Variants in INTS1 observed in about 807,000 individuals in gnomAD.
INTS1 encodes integrator complex subunit 1.
Under a neutral mutation model 241.6 loss-of-function variants are expected in INTS1, and 137 were observed. The observed-to-expected ratio is 0.57, with a 90% confidence interval of 0.49 to 0.65. INTS1 has a LOEUF of 0.65. Among genes scored for constraint, INTS1 ranks in the 30% least tolerant of loss-of-function variants. The probability of loss-of-function intolerance (pLI) is 0.00; values close to 1 mark genes in which losing one functional copy is unlikely to be tolerated. For synonymous variants in INTS1, 1,692 were observed against 1,337.8 expected, an observed-to-expected ratio of 1.26 and a Z score of -5.78; for missense variants, 3,073 against 3,032.2, an observed-to-expected ratio of 1.01 and a Z score of -0.32.
intron 3 of INTS1, among the ~76,000 whole-genome samples, chr7:1,502,540 C>G (rs967625266): frequency 6.6e-6 from 1 of 152,144 alleles, no homozygotes. Context: ...GAGAGAGGAA[C>G]GCACCAGGAT....
intron 20 of INTS1, 81 bp downstream of exon 20, chr7:1,487,239 C>A: frequency 6.6e-7 from 1 of 1,524,700 alleles, no homozygotes; most frequent in South Asian, 1.2e-5. Flanking sequence ...GTGTCCTGCC[C>A]TCTTCTGGCC....
At chr7:1,490,284 C>CTGAAAGGG (rs1348155226) in intron 16 of INTS1, among the ~76,000 whole-genome samples, 1 of 152,232 alleles carries the variant, frequency 6.6e-6, no homozygotes, top group Non-Finnish European at 1.5e-5. Flanking sequence ...CCAAACGCTA[C>CTGAAAGGG]TGAAAGGGTG....
chr7:1,480,241 C>A, intron 30 of INTS1, 76 bp downstream of exon 30: 2 of 1,490,042 alleles, frequency 1.3e-6, no homozygotes, highest in East Asian at 2.4e-5. Context: ...GGCCGCTGTG[C>A]GTGCGAGGCG....
rs775883928 is a variant in INTS1 at position 1,500,329 on chromosome 7, G to A, written c.387C>T (p.Ala129=). 2.4e-5 allele frequency: 38 copies of A among 1,588,016 alleles called. No homozygotes were observed. Among genetic ancestry groups the A allele is most frequent in the African/African-American group, 4.0e-5 (3 of 74,560 alleles). The change falls in exon 4 of 48, where the codon GCC becomes GCT. Residue 129 remains alanine, a synonymous_variant. Transcript: ENST00000404767. ...TCCTGTCATCGTTGCCCTCCAGCTC[G>A]GCCGCCTCGATCTCATCCAGCAGCA... ...PTVLLDEIEA[A]ELEGNDDRIE...
intron 31 of INTS1, among the ~76,000 whole-genome samples, chr7:1,479,189 C>T (rs746052965): frequency 6.6e-6 from 1 of 152,250 alleles, no homozygotes; most frequent in African/African-American, 2.4e-5. Flanking sequence ...GAAAGCAAGG[C>T]AGGAGCGCCG....
In INTS1 at chr7:1,485,282, G is replaced by A. The variant is rs370997665; in HGVS notation, c.3156+8C>T. ...TTTCCCTGCCGCGGCCCCGGTCAGC[G>A]CCCTCACCTGCTGCAGGGCCAGGGC... On this transcript the variant is annotated splice_region_variant and intron_variant, in intron 23 of 47. Transcript: ENST00000404767. The A allele has an allele frequency of 5.6e-5, 89 of 1,603,540 alleles. No individual in the cohort carries two copies. Among genetic ancestry groups the A allele is most frequent in the Middle Eastern group, 4.9e-4 (3 of 6,072 alleles).
intron 26 of INTS1, 94 bp from the exon 27 acceptor site, chr7:1,482,801 G>T: frequency 6.8e-7 from 1 of 1,461,602 alleles, no homozygotes. Context: ...CTCCTCTCCC[G>T]AGAAGGAAAC....
In INTS1 at chr7:1,493,161, A is replaced by C; in HGVS notation, c.2069-55T>G. ...GGGCTGCTCACAGACCATCAGGCAC[A>C]GGCAGCGAGGGAACCGGCCCTGCTC... On this transcript the variant is annotated intron_variant, in intron 15 of 47. Coordinates refer to ENST00000404767, the MANE Select transcript of INTS1 (RefSeq NM_001080453.3). This position sits in a 1 kb window ranked among gnomAD's most constrained non-coding sequence, Gnocchi z 5.3. 7.9e-7 allele frequency: 1 copy of C among 1,271,538 alleles called. No homozygotes were observed. The highest frequency in any genetic ancestry group is 1.1e-6 in the Non-Finnish European group (1 of 915,058). The allele number at this position is 1,271,538 out of a possible 1,614,324, so 78.8% of individuals were successfully genotyped here. A position where few individuals can be genotyped will look rare whatever the true frequency, so the allele number is the denominator to read the frequency against.
intron 8 of INTS1, 28 bp downstream of exon 8, chr7:1,498,947 C>CGGGG: frequency 3.4e-5 from 45 of 1,339,104 alleles, no homozygotes; most frequent in Non-Finnish European, 4.3e-5. Flanking sequence ...CCCCCTGCCC[C>CGGGG]GCCCACCCCC....
chr7:1,473,687 T>C lies in INTS1; in HGVS notation c.5836A>G (p.Arg1946Gly). 6.2e-7 allele frequency: 1 copy of C among 1,613,064 alleles called. No individual in the cohort carries two copies. Among genetic ancestry groups the C allele is most frequent in the South Asian group, 1.1e-5 (1 of 91,062 alleles). ...LSFIRLLLNYRKSSRHLAAFI... is the reference protein window; with the variant it reads ...LSFIRLLLNYGKSSRHLAAFI... Reference sequence around the variant, plus strand: ...GCAGCCAGATGGCGGGAGGACTTCCTGTAATTCTGCAAAGCAAAAGCGGCA... The same window carrying C: ...GCAGCCAGATGGCGGGAGGACTTCCCGTAATTCTGCAAAGCAAAAGCGGCA... Residue 1946 changes from arginine (R) to glycine (G), a missense_variant, in exon 42 of 48, where the codon AGG (arginine) becomes GGG (glycine). Arg to Gly is a moderately radical substitution (Grantham distance 125, BLOSUM62 -2). Coordinates refer to ENST00000404767, the MANE Select transcript of INTS1 (RefSeq NM_001080453.3).
chr7:1,497,124 G>C lies in INTS1; in HGVS notation c.1602+14C>G, dbSNP rs1399783551. 1.3e-6 allele frequency: 2 copies of C among 1,588,332 alleles called. No individual in the cohort carries two copies. The highest frequency in any genetic ancestry group is 2.7e-5 in the African/African-American group (2 of 74,246). ...GCAGTGAGGGAAAGGCGCCCCAGCG[G>C]CGAGGGCTGGCACCTTGAACTCCAT... On this transcript the variant is annotated intron_variant, in intron 11 of 47. Transcript: ENST00000404767. The surrounding 1 kb of genome is among the most constrained non-coding windows in gnomAD (Gnocchi z 5.3).
At chr7:1,472,853 G>A (rs1458167550) in intron 43 of INTS1, among the ~76,000 whole-genome samples, 2 of 152,024 alleles carry the variant, frequency 1.3e-5, no homozygotes, top group African/African-American at 2.4e-5. Flanking sequence ...GCCGGGGCGG[G>A]GCGATGTGCC....
At position 1,478,708 on chromosome 7, in the gene INTS1, G is replaced by C. The variant is rs774847732; in HGVS notation, c.4489+18C>G. The C allele has an allele frequency of 1.0e-5, 16 of 1,538,460 alleles. No homozygotes were observed. In the South Asian group the frequency reaches 1.9e-4, roughly 18 times the overall value. On this transcript the variant is annotated intron_variant, in intron 32 of 47. Transcript: ENST00000404767. ...TCCAGTGCCCCCCAGCCGTCTGCCA[G>C]CCCGGCGCGGTCCTCACCATCACTG...
intron 6 of INTS1, 45 bp from the exon 7 acceptor site, chr7:1,499,405 C>CCAAAA: frequency 6.6e-7 from 1 of 1,521,162 alleles, no homozygotes; most frequent in Non-Finnish European, 8.9e-7. Flanking sequence ...CCCACCCGCC[C>CCAAAA]ATCCTCCCAC....
intron 4 of INTS1, 31 bp from the exon 5 acceptor site, chr7:1,500,052 C>T (rs1444836397): frequency 1.2e-6 from 2 of 1,607,388 alleles, no homozygotes; most frequent in Admixed American, 1.7e-5. Flanking sequence ...CACGTGGGAG[C>T]TTCGCTGGCC....
At chr7:1,483,579 G>T in intron 26 of INTS1, 163 bp downstream of exon 26, 1 of 674,350 alleles carries the variant, frequency 1.5e-6, no homozygotes, top group South Asian at 1.6e-5. Context: ...CACGCGGGAC[G>T]GACTGCAGCC....
At chr7:1,487,579 T>C (rs1782334000) in intron 19 of INTS1, 130 bp from the exon 20 acceptor site, 2 of 1,317,808 alleles carry the variant, frequency 1.5e-6, no homozygotes, top group African/African-American at 1.5e-5. Context: ...TGACCTGGGA[T>C]GTCCCCAAGG....
At position 1,478,390 on chromosome 7, in the gene INTS1, C is replaced by A. The variant is rs995048419; in HGVS notation, c.4606G>T (p.Val1536Leu). The A allele has an allele frequency of 6.2e-7, 1 of 1,612,602 alleles. No individual in the cohort carries two copies. Among genetic ancestry groups the A allele is most frequent in the Non-Finnish European group, 8.5e-7 (1 of 1,179,818 alleles). ...ATLRSGEQCS[V>L]EPDLISKVLQ... ...CCTTTGCTGATCAGGTCCGGCTCCA[C>A]GCTGCACTGCTCCCCAGACCTCAGG... The change falls in exon 33 of 48, where the codon GTG becomes TTG. Residue 1536 changes from valine (V) to leucine (L), a missense_variant. Val to Leu is a conservative substitution (Grantham distance 32). Transcript: ENST00000404767.
At chr7:1,498,225 G>A (rs1782957590) in intron 10 of INTS1, 187 bp downstream of exon 10, 2 of 826,050 alleles carry the variant, frequency 2.4e-6, no homozygotes, top group African/African-American at 1.7e-5. Context: ...GGGCGCTGTG[G>A]CTGCACCCAC....
Sources: allele counts gnomAD v4.1 joint callset (sites outside exome capture counted in the v4.1 genomes callset), GRCh38; gene constraint gnomAD v4.1.1; non-coding constraint Gnocchi (gnomAD v3.1); transcripts MANE v1.5; gene names NCBI Gene and HGNC (gene_info 2026-07-23, HGNC 2026-07-21).